The following IQCJ variants were observed in gnomAD, a reference collection of about 807,000 sequenced individuals.
IQCJ encodes the protein IQ motif containing J, also known as IQ domain-containing protein J.
IQCJ carries 9 observed loss-of-function variants against 11.0 expected under a neutral mutation model. That is an observed-to-expected ratio of 0.82 (90% CI 0.49 to 1.43). The LOEUF (loss-of-function observed/expected upper bound fraction) is 1.43, where lower values mean the gene tolerates loss of function less well. IQCJ is among the 40% of genes most tolerant of loss of function. The pLI, the probability that IQCJ is intolerant of heterozygous loss-of-function variation, is 0.00. For missense variants in IQCJ, 146 were observed against 133.2 expected, an observed-to-expected ratio of 1.10 and a Z score of -0.47; for synonymous variants, 55 against 51.3, an observed-to-expected ratio of 1.07 and a Z score of -0.31.
At chr3:159,122,440 T>C (rs943974590) in intron 1 of IQCJ, among the ~76,000 whole-genome samples, 1 of 152,212 alleles carries the variant, frequency 6.6e-6, no homozygotes, top group Non-Finnish European at 1.5e-5. Flanking sequence ...AAATGCTCCT[T>C]AGAAGGCTTT....
intron 1 of IQCJ, among the ~76,000 whole-genome samples, chr3:159,104,652 C>A (rs1328793331): frequency 6.6e-6 from 1 of 152,202 alleles, no homozygotes; most frequent in Non-Finnish European, 1.5e-5. Context: ...TTTTTCCACA[C>A]CGTGCCATTC....
At chr3:159,089,058 C>T (rs947140964) in intron 1 of IQCJ, among the ~76,000 whole-genome samples, 33 of 151,988 alleles carry the variant, frequency 2.2e-4, no homozygotes, top group Admixed American at 1.2e-3. Flanking sequence ...TGGCTGGTAC[C>T]GGTTGTTCCT....
intron 1 of IQCJ, among the ~76,000 whole-genome samples, chr3:159,225,952 TTTAC>T (rs775727425): frequency 7.2e-5 from 11 of 152,164 alleles, no homozygotes; most frequent in Non-Finnish European, 1.2e-4. Context: ...AGGGAAACAC[TTTAC>T]TTACTATTAT....
At chr3:159,161,249 TG>T (rs561422653) in intron 1 of IQCJ, among the ~76,000 whole-genome samples, 2 of 152,326 alleles carry the variant, frequency 1.3e-5, no homozygotes, top group South Asian at 4.1e-4. Context: ...TATGTCATTG[TG>T]GTTTTGATTT....
chr3:159,216,772 G>T (rs1053638230), intron 1 of IQCJ, among the ~76,000 whole-genome samples: 2 of 152,074 alleles, frequency 1.3e-5, no homozygotes, highest in Admixed American at 1.3e-4. Context: ...AATACAATAG[G>T]ATGTCAGAGA....
intron 1 of IQCJ, among the ~76,000 whole-genome samples, chr3:159,210,740 G>A (rs771470655): frequency 7.9e-5 from 12 of 151,908 alleles, no homozygotes; most frequent in Admixed American, 1.3e-4. Flanking sequence ...GCCCAATCTC[G>A]GCCCACTGCA....
chr3:159,232,451 CTTTTTTTTTTTT>C (rs35423818), intron 1 of IQCJ, among the ~76,000 whole-genome samples: 5 of 83,726 alleles, frequency 6.0e-5, no homozygotes, highest in Non-Finnish European at 1.1e-4. Flanking sequence ...GAGAGACTTT[CTTTTTTTTTTTT>C]TTTTTTTTTT....
At chr3:159,192,807 C>A (rs1388311627) in intron 1 of IQCJ, among the ~76,000 whole-genome samples, 2 of 152,190 alleles carry the variant, frequency 1.3e-5, no homozygotes, top group African/African-American at 4.8e-5. Flanking sequence ...TGCTCAGGTT[C>A]ACTGTCTTGA....
Position 159,161,962 on chromosome 3 carries a change from C to T in IQCJ, c.10-83881C>T, listed in dbSNP as rs188073303. Among the ~76,000 whole-genome samples, 602 of 152,252 alleles carry T rather than the reference C, an allele frequency of 4.0e-3. 2 individuals carry two copies. The highest frequency in any genetic ancestry group is 0.012 in the African/African-American group (515 of 41,544). On this transcript the variant is annotated intron_variant, in intron 1 of 3. Transcript: ENST00000397832. ...TGAAGTATAGTTCGAAGTCAGGTAGCGTGATGCCTCCAGCTTTGTTCTTTT... is the reference window on the plus strand; with the variant it reads ...TGAAGTATAGTTCGAAGTCAGGTAGTGTGATGCCTCCAGCTTTGTTCTTTT...
At chr3:159,195,236 T>C (rs183034996) in intron 1 of IQCJ, among the ~76,000 whole-genome samples, 2 of 152,334 alleles carry the variant, frequency 1.3e-5, no homozygotes, top group East Asian at 3.9e-4. Context: ...GTGCTGACTC[T>C]GCTGGTATGT....
chr3:159,202,187 C>A (rs1241255189), intron 1 of IQCJ, among the ~76,000 whole-genome samples: 17 of 152,108 alleles, frequency 1.1e-4, no homozygotes, highest in Non-Finnish European at 2.4e-4. Context: ...CCATTTGTAA[C>A]TTTAAAGGCT....
rs371166616 is a variant in IQCJ, at chr3:159,161,797, T to C, written c.10-84046T>C. Among the ~76,000 whole-genome samples, 699 of 152,120 alleles carry C rather than the reference T, an allele frequency of 4.6e-3. 4 individuals carry two copies. Among genetic ancestry groups the C allele is most frequent in the South Asian group, 7.5e-3 (36 of 4,818 alleles). ...ATTTATTAAATAGGGAATCCTTTCCTCATTGCTTGTTTTTCTCAGGTTTGT... is the reference window on the plus strand; with the variant it reads ...ATTTATTAAATAGGGAATCCTTTCCCCATTGCTTGTTTTTCTCAGGTTTGT... On this transcript the variant is annotated intron_variant, in intron 1 of 3. Transcript: ENST00000397832.
chr3:159,171,830 G>A (rs1373387553), intron 1 of IQCJ, among the ~76,000 whole-genome samples: 1 of 152,168 alleles, frequency 6.6e-6, no homozygotes, highest in Non-Finnish European at 1.5e-5. Flanking sequence ...CAACCCCAGA[G>A]GGTCTGATTT....
intron 1 of IQCJ, among the ~76,000 whole-genome samples, chr3:159,083,229 A>G (rs769268262): frequency 6.6e-6 from 1 of 152,168 alleles, no homozygotes; most frequent in Non-Finnish European, 1.5e-5. Context: ...AAGGAATTGT[A>G]TCTAGAATAT....
At chr3:159,168,195 G>T (rs1247110311) in intron 1 of IQCJ, among the ~76,000 whole-genome samples, 2 of 152,156 alleles carry the variant, frequency 1.3e-5, no homozygotes, top group Non-Finnish European at 2.9e-5. Context: ...GCCTTTACCA[G>T]TCTCCTTTCA....
chr3:159,259,000 A>G lies in IQCJ; in HGVS notation c.156-3548A>G, dbSNP rs777964775. Among the ~76,000 whole-genome samples the G allele has an allele frequency of 7.6e-4, 115 of 152,126 alleles. 1 individual carries two copies. The highest frequency in any genetic ancestry group is 3.2e-3 in the Middle Eastern group (1 of 316). ...CTCTCCATCAATCTCAATCCCATCCATGCTTCAGGACTAATTAAAATACTA... is the reference window on the plus strand; with the variant it reads ...CTCTCCATCAATCTCAATCCCATCCGTGCTTCAGGACTAATTAAAATACTA... On this transcript the variant is annotated intron_variant, in intron 3 of 3. Transcript: ENST00000397832.
chr3:159,227,973 G>C (rs910401329), intron 1 of IQCJ, among the ~76,000 whole-genome samples: 1 of 152,204 alleles, frequency 6.6e-6, no homozygotes, highest in Non-Finnish European at 1.5e-5. Flanking sequence ...TCAGGCTGGG[G>C]ATGAGAGCTT....
At chr3:159,172,505 A>C (rs1315346515) in intron 1 of IQCJ, among the ~76,000 whole-genome samples, 2 of 152,074 alleles carry the variant, frequency 1.3e-5, no homozygotes, top group Non-Finnish European at 2.9e-5. Flanking sequence ...ACCATATATG[A>C]TATATAACAT....
chr3:159,198,319 T>C (rs1249219930), intron 1 of IQCJ, among the ~76,000 whole-genome samples: 1 of 152,154 alleles, frequency 6.6e-6, no homozygotes, highest in Non-Finnish European at 1.5e-5. Flanking sequence ...GAGAAAATAA[T>C]GATACCTAAC....
Sources: gnomAD v4.1 joint callset for allele counts (sites outside exome capture counted in the v4.1 genomes callset) on GRCh38, gnomAD v4.1.1 for gene constraint, MANE v1.5 for transcripts, NCBI Gene and HGNC (gene_info 2026-07-23, HGNC 2026-07-21) for gene names.